The following ADCY5 variants were observed in gnomAD, a reference collection of about 807,000 sequenced individuals.
The protein encoded by ADCY5 is adenylate cyclase 5.
ADCY5 carries 30 observed loss-of-function variants against 119.7 expected under a neutral mutation model. That is an observed-to-expected ratio of 0.25 (90% CI 0.19 to 0.34). The LOEUF is 0.34. ADCY5 is among the 10% of genes least tolerant of loss of function. The probability of loss-of-function intolerance (pLI) is 1.00; values close to 1 mark genes in which losing one functional copy is unlikely to be tolerated. For synonymous variants in ADCY5, 753 were observed against 762.2 expected, an observed-to-expected ratio of 0.99 and a Z score of 0.20; for missense variants, 1,324 against 1,775.2, an observed-to-expected ratio of 0.75 and a Z score of 4.57.
chr3:123,388,909 T>C (rs1358037011), intron 1 of ADCY5, among the ~76,000 whole-genome samples: 1 of 152,034 alleles, frequency 6.6e-6, no homozygotes. Context: ...ACGTGAGAGA[T>C]GGAGGCACGC....
intron 1 of ADCY5, among the ~76,000 whole-genome samples, chr3:123,384,988 A>G (rs1428583697): frequency 6.6e-6 from 1 of 152,114 alleles, no homozygotes; most frequent in Non-Finnish European, 1.5e-5. Flanking sequence ...ATTTACAGGG[A>G]ACACTGCAAA....
intron 1 of ADCY5, among the ~76,000 whole-genome samples, chr3:123,432,821 C>G (rs150939517): frequency 6.6e-6 from 1 of 152,192 alleles, no homozygotes; most frequent in African/African-American, 2.4e-5. Context: ...GCCACTGTAC[C>G]CAGCTGAAAA....
At chr3:123,292,038 C>T (rs1576527281) in intron 17 of ADCY5, among the ~76,000 whole-genome samples, 1 of 152,304 alleles carries the variant, frequency 6.6e-6, no homozygotes, top group South Asian at 2.1e-4. Flanking sequence ...TTTGGTCACC[C>T]ACCTTCCAGG....
intron 12 of ADCY5, among the ~76,000 whole-genome samples, chr3:123,313,115 A>G (rs771157958): frequency 4.7e-5 from 7 of 149,574 alleles, no homozygotes; most frequent in Non-Finnish European, 1.0e-4. Context: ...ACACGTGCCC[A>G]ATGGCTCTGG....
intron 18 of ADCY5, 43 bp from the exon 19 acceptor site, chr3:123,289,997 C>T: frequency 6.3e-7 from 1 of 1,595,620 alleles, no homozygotes; most frequent in East Asian, 2.2e-5. Flanking sequence ...AAGCCTGGGA[C>T]ACCGAGGGCC....
At chr3:123,348,071 ATGTGTGTGTATG>A (rs1477993994) in intron 2 of ADCY5, among the ~76,000 whole-genome samples, 168 bp from the exon 3 acceptor site, 1 of 50,238 alleles carries the variant, frequency 2.0e-5, no homozygotes, top group East Asian at 3.7e-4. Flanking sequence ...GTGTCTGTGC[ATGTGTGTGTATG>A]TGTGTGCAGG....
intron 1 of ADCY5, among the ~76,000 whole-genome samples, chr3:123,372,483 C>T (rs1943674729): frequency 6.6e-6 from 1 of 152,204 alleles, no homozygotes; most frequent in Non-Finnish European, 1.5e-5. Context: ...GAGGAAGCAG[C>T]ACCCCTTCCC....
chr3:123,302,906 G>A, intron 14 of ADCY5, 149 bp downstream of exon 14: 1 of 871,076 alleles, frequency 1.1e-6, no homozygotes, highest in Non-Finnish European at 1.8e-6. Context: ...CTGGCATGTA[G>A]GAGTGAGAGA....
chr3:123,382,497 C>G (rs1944064548), intron 1 of ADCY5, among the ~76,000 whole-genome samples: 1 of 152,202 alleles, frequency 6.6e-6, no homozygotes, highest in African/African-American at 2.4e-5. Flanking sequence ...CTATTCACAA[C>G]AGCCAAAAGA....
At chr3:123,376,281 A>G (rs1473122665) in intron 1 of ADCY5, among the ~76,000 whole-genome samples, 1 of 143,372 alleles carries the variant, frequency 7.0e-6, no homozygotes, top group African/African-American at 2.6e-5. Flanking sequence ...CATCGCTGCC[A>G]TGATTCCTGC....
At chr3:123,338,683 C>T (rs2108441115) in intron 3 of ADCY5, among the ~76,000 whole-genome samples, 1 of 152,364 alleles carries the variant, frequency 6.6e-6, no homozygotes, top group African/African-American at 2.4e-5. Context: ...TAATTGCCTG[C>T]CATCCATCAC....
At chr3:123,424,842 T>C (rs1319271927) in intron 1 of ADCY5, among the ~76,000 whole-genome samples, 1 of 152,048 alleles carries the variant, frequency 6.6e-6, no homozygotes, top group Non-Finnish European at 1.5e-5. Context: ...AGTTAATAAA[T>C]AAGTGAATGG....
intron 1 of ADCY5, chr3:123,367,903 A>G: frequency 6.5e-7 from 1 of 1,535,116 alleles, no homozygotes; most frequent in Non-Finnish European, 8.7e-7. Flanking sequence ...TGCTTACCTT[A>G]CCTCCAACTG....
At chr3:123,445,217 G>C (rs977508069) in intron 1 of ADCY5, among the ~76,000 whole-genome samples, 1 of 152,208 alleles carries the variant, frequency 6.6e-6, no homozygotes, top group Admixed American at 6.5e-5. Context: ...AAAGAACAGG[G>C]TAGGAGCCAG....
At chr3:123,305,454 T>A (rs1940147435) in intron 12 of ADCY5, among the ~76,000 whole-genome samples, 1 of 152,130 alleles carries the variant, frequency 6.6e-6, no homozygotes, top group South Asian at 2.1e-4. Context: ...CAAAAAAGTG[T>A]CGGGCCCTTG....
In ADCY5 at chr3:123,356,997, G is replaced by A. The variant is rs557339456; in HGVS notation, c.1135-4416C>T. 2.6e-5 allele frequency among the ~76,000 whole-genome samples: 4 copies of A among 152,190 alleles called. No individual in the cohort carries two copies. In the South Asian group the frequency reaches 8.3e-4, roughly 32 times the overall value. ...AAAATGAAGGAAGCCAGACTCAAAAGCCTACAGACCATGATTCCATTTAGA... is the reference window on the plus strand; with the variant it reads ...AAAATGAAGGAAGCCAGACTCAAAAACCTACAGACCATGATTCCATTTAGA... On this transcript the variant is annotated intron_variant, in intron 1 of 20. Coordinates refer to ENST00000462833, the MANE Select transcript of ADCY5 (RefSeq NM_183357.3).
chr3:123,318,032 GTGATCT>G lies in ADCY5; in HGVS notation c.2336_2341del (p.Gln779_Thr781delinsPro). The G allele has an allele frequency of 6.2e-7, 1 of 1,613,702 alleles. No homozygotes were observed. Among genetic ancestry groups the G allele is most frequent in the Non-Finnish European group, 8.5e-7 (1 of 1,179,836 alleles). ...CGGGGATACTCACTGGGGCACGATG[GTGATCT>G]GGACAAAGCAGATGAAGAGGAAGAC... On this transcript the variant is annotated inframe_deletion, in exon 11 of 21. Coordinates refer to ENST00000462833, the MANE Select transcript of ADCY5 (RefSeq NM_183357.3).
intron 1 of ADCY5, among the ~76,000 whole-genome samples, chr3:123,397,049 G>A (rs1395022488): frequency 1.3e-5 from 2 of 152,076 alleles, no homozygotes; most frequent in African/African-American, 4.8e-5. Flanking sequence ...AAGGATTTAT[G>A]CTATTATTTT....
chr3:123,369,106 A>G (rs1241274642), intron 1 of ADCY5, among the ~76,000 whole-genome samples: 1 of 152,184 alleles, frequency 6.6e-6, no homozygotes, highest in East Asian at 1.9e-4. Context: ...CTGGAAAGTA[A>G]TAAGGATTAA....
Sources: gnomAD v4.1 joint callset for allele counts (sites outside exome capture counted in the v4.1 genomes callset) on GRCh38, gnomAD v4.1.1 for gene constraint, MANE v1.5 for transcripts, NCBI Gene and HGNC (gene_info 2026-07-23, HGNC 2026-07-21) for gene names.